Variants in ZFPM2 observed in about 807,000 individuals in gnomAD.
ZFPM2 encodes zinc finger protein, FOG family member 2, also known as zinc finger protein ZFPM2.
In ZFPM2, 20 loss-of-function variants were observed where a neutral mutation model predicts 98.6. The ratio of observed to expected loss-of-function variants is 0.20; its 90% CI spans 0.14 to 0.29. ZFPM2 has a LOEUF of 0.29. Among genes scored for constraint, ZFPM2 ranks in the 10% least tolerant of loss-of-function variants. ZFPM2 has a pLI of 1.00. For synonymous variants in ZFPM2, 518 were observed against 502.7 expected (o/e 1.03, Z -0.41); for missense variants, 1,310 against 1,388.6 (o/e 0.94, Z 0.90).
chr8:105,588,104 G>T (rs1046579121), intron 4 of ZFPM2, among the ~76,000 whole-genome samples: 1 of 152,046 alleles, frequency 6.6e-6, no homozygotes, highest in African/African-American at 2.4e-5. Context: ...TGGTGACAAT[G>T]GATGCATTTA....
intron 1 of ZFPM2, among the ~76,000 whole-genome samples, chr8:105,382,515 A>G (rs1810908450): frequency 6.6e-6 from 1 of 152,120 alleles, no homozygotes; most frequent in African/African-American, 2.4e-5. Flanking sequence ...AATATTAAAA[A>G]TAAAATAGAA....
intron 1 of ZFPM2, among the ~76,000 whole-genome samples, chr8:105,328,099 G>A (rs532291329): frequency 7.2e-5 from 11 of 151,850 alleles, no homozygotes; most frequent in African/African-American, 2.7e-4. Context: ...TGTCCAATAT[G>A]TCAGTGTAAT....
intron 2 of ZFPM2, among the ~76,000 whole-genome samples, chr8:105,425,527 T>A (rs1423179555): frequency 2.0e-5 from 3 of 152,204 alleles, no homozygotes; most frequent in Non-Finnish European, 4.4e-5. Context: ...TCTTTCCACA[T>A]TCTTGAATTA....
At chr8:105,495,747 G>A (rs1258723783) in intron 3 of ZFPM2, among the ~76,000 whole-genome samples, 1 of 152,106 alleles carries the variant, frequency 6.6e-6, no homozygotes, top group African/African-American at 2.4e-5. Flanking sequence ...AGAAGAAATG[G>A]ATATTGACTG....
chr8:105,598,032 T>C (rs1175646099), intron 4 of ZFPM2, among the ~76,000 whole-genome samples: 1 of 151,726 alleles, frequency 6.6e-6, no homozygotes, highest in East Asian at 1.9e-4. Flanking sequence ...CTCTAGACTG[T>C]TATAACATCT....
chr8:105,783,473 A>G (rs944341785), intron 5 of ZFPM2, among the ~76,000 whole-genome samples: 14 of 152,062 alleles, frequency 9.2e-5, no homozygotes, highest in Non-Finnish European at 1.5e-4. Flanking sequence ...TTGTGCAACT[A>G]TTACCACCAT....
Position 105,602,546 on chromosome 8 carries a change from A to T in ZFPM2, c.421-31700A>T, listed in dbSNP as rs534948973. Among the ~76,000 whole-genome samples the T allele has an allele frequency of 3.2e-4, 48 of 152,260 alleles. 1 individual carries two copies. The highest frequency in any genetic ancestry group is 1.2e-3 in the African/African-American group (48 of 41,562). ...TGAATTTCAAGATTTCAAAATTAAG[A>T]TTCATTGGGTTTATGTTCCAATAAT... On this transcript the variant is annotated intron_variant, in intron 4 of 7. Transcript: ENST00000407775.
At position 105,655,521 on chromosome 8, in the gene ZFPM2, A is replaced by C. The variant is rs540849785; in HGVS notation, c.532+21164A>C. On this transcript the variant is annotated intron_variant, in intron 5 of 7. Transcript: ENST00000407775. ...GCTGGGATTACAGGCATCAGCCACC[A>C]CCCCCAGCCTGTTGCATGGAGTCTT... Among the ~76,000 whole-genome samples the C allele has an allele frequency of 4.6e-5, 7 of 152,112 alleles. No homozygotes were observed. The South Asian group carries it at 1.5e-3, about 32-fold the overall frequency.
chr8:105,786,490 T>C (rs1052388094), intron 5 of ZFPM2, among the ~76,000 whole-genome samples: 2 of 152,222 alleles, frequency 1.3e-5, no homozygotes, highest in African/African-American at 4.8e-5. Flanking sequence ...GATAACTGAC[T>C]TTCTTTTCAA....
intron 1 of ZFPM2, among the ~76,000 whole-genome samples, chr8:105,404,045 G>GCAA (rs1305373979): frequency 2.0e-4 from 28 of 138,830 alleles, no homozygotes; most frequent in African/African-American, 8.4e-4. Context: ...AACAACAACA[G>GCAA]CAGCATAGAT....
chr8:105,654,980 T>G (rs1266686147), intron 5 of ZFPM2, among the ~76,000 whole-genome samples: 1 of 152,170 alleles, frequency 6.6e-6, no homozygotes, highest in East Asian at 1.9e-4. Context: ...CAAATAATTT[T>G]GTTTTAGTAC....
rs149209254 is a variant in ZFPM2, at chr8:105,632,534, A to G, written c.421-1712A>G. Among the ~76,000 whole-genome samples the G allele has an allele frequency of 3.2e-4, 48 of 152,284 alleles. 1 individual carries two copies. The East Asian group carries it at 3.3e-3, about 10-fold the overall frequency. ...GTAAAAGGAGAGCAAAATATGCATCATTAGGACCTAATACTTAATTGGATT... is the reference window on the plus strand; with the variant it reads ...GTAAAAGGAGAGCAAAATATGCATCGTTAGGACCTAATACTTAATTGGATT... On this transcript the variant is annotated intron_variant, in intron 4 of 7. Coordinates refer to ENST00000407775, the MANE Select transcript of ZFPM2 (RefSeq NM_012082.4).
chr8:105,795,052 G>A (rs998357905), intron 6 of ZFPM2, among the ~76,000 whole-genome samples: 5 of 152,228 alleles, frequency 3.3e-5, no homozygotes, highest in African/African-American at 9.6e-5. Flanking sequence ...GCAATGCCTC[G>A]CCCTGCTTCA....
At chr8:105,742,868 A>G (rs1812252664) in intron 5 of ZFPM2, among the ~76,000 whole-genome samples, 1 of 152,122 alleles carries the variant, frequency 6.6e-6, no homozygotes. Context: ...CTAGGCAACA[A>G]GAGTGAAACT....
Position 105,366,284 on chromosome 8 carries a change from A to G in ZFPM2, c.40+47303A>G, listed in dbSNP as rs187484524. Among the ~76,000 whole-genome samples, 33 of 152,250 alleles carry G rather than the reference A, an allele frequency of 2.2e-4. No individual in the cohort carries two copies. The East Asian group carries it at 6.2e-3, about 29-fold the overall frequency. On this transcript the variant is annotated intron_variant, in intron 1 of 7. Coordinates refer to ENST00000407775, the MANE Select transcript of ZFPM2 (RefSeq NM_012082.4). ...CTCTCTTGGACTTTTCATCTGTACT[A>G]GGGTTGTTTTCTTGCTAGGTAGGGA... is the stretch of plus-strand genomic sequence containing the variant.
At chr8:105,431,490 A>G (rs1385540193) in intron 2 of ZFPM2, among the ~76,000 whole-genome samples, 1 of 152,212 alleles carries the variant, frequency 6.6e-6, no homozygotes, top group East Asian at 1.9e-4. Flanking sequence ...AATGGTAAGT[A>G]AACACAGGGA....
chr8:105,463,857 A>G (rs1812747454), intron 3 of ZFPM2, among the ~76,000 whole-genome samples: 1 of 152,070 alleles, frequency 6.6e-6, no homozygotes, highest in Admixed American at 6.6e-5. Flanking sequence ...CTTAGCGTCT[A>G]CACTTAAATG....
intron 1 of ZFPM2, among the ~76,000 whole-genome samples, chr8:105,416,395 G>A (rs1811680283): frequency 6.6e-6 from 1 of 151,432 alleles, no homozygotes; most frequent in Admixed American, 6.6e-5. Flanking sequence ...AAGTACCTAT[G>A]TCTAGAATTT....
intron 5 of ZFPM2, among the ~76,000 whole-genome samples, chr8:105,661,182 G>A (rs568020095): frequency 6.6e-6 from 1 of 152,120 alleles, no homozygotes; most frequent in Admixed American, 6.5e-5. Context: ...AATAAGCTTC[G>A]AAATCCCAAT....
Sources: allele counts gnomAD v4.1 joint callset (sites outside exome capture counted in the v4.1 genomes callset), GRCh38; gene constraint gnomAD v4.1.1; transcripts MANE v1.5; gene names NCBI Gene and HGNC (gene_info 2026-07-23, HGNC 2026-07-21).